The following TTLL3 variants were observed in gnomAD, a reference collection of about 807,000 sequenced individuals.
TTLL3 encodes the protein tubulin monoglycylase TTLL3.
In TTLL3, 63 loss-of-function variants were observed where a neutral mutation model predicts 75.2. That is an observed-to-expected ratio of 0.84 (90% confidence interval 0.68 to 1.03). The LOEUF (loss-of-function observed/expected upper bound fraction) is 1.03. TTLL3 is among the 50% of genes least tolerant of loss of function. TTLL3 has a pLI of 0.00. For synonymous variants in TTLL3, 393 were observed against 418.5 expected, an observed-to-expected ratio of 0.94 and a Z score of 0.74; for missense variants, 997 against 1,069.9, an observed-to-expected ratio of 0.93 and a Z score of 0.95.
chr3:9,833,984 T>A (rs1575420268), intron 12 of TTLL3: 1 of 179,936 alleles, frequency 5.6e-6, no homozygotes, highest in Admixed American at 5.4e-5. Flanking sequence ...TAGGGGCAGG[T>A]GCCTATAATC....
In TTLL3 at chr3:9,811,680, C is replaced by A. The variant is rs567804258; in HGVS notation, c.48+971C>A. ...CTCATGACACTCTTAGTATGAAATC[C>A]AAGTCCGTTCCAAGGCCTGCAGGGC... On this transcript the variant is annotated intron_variant, in intron 2 of 13. Transcript: ENST00000685419. 2.6e-5 allele frequency among the ~76,000 whole-genome samples: 4 copies of A among 152,336 alleles called. No individual in the cohort carries two copies. The Middle Eastern group carries it at 0.014, about 518-fold the overall frequency.
chr3:9,835,731 C>A lies in TTLL3; in HGVS notation c.*242C>A. The A allele has an allele frequency of 2.0e-6, 1 of 491,250 alleles. No homozygotes were observed. 30.4% of individuals were successfully genotyped at this position (491,250 alleles called of 1,614,324 possible). ...GCCGAGCACTGGGAGCCCCCCAACC[C>A]CAGAGAACAAGCCAAGCTAGCAGAA... On this transcript the variant is annotated 3_prime_UTR_variant, in exon 14 of 14. Transcript: ENST00000685419.
chr3:9,818,762 G>C, intron 6 of TTLL3, 60 bp from the exon 7 acceptor site: 5 of 1,612,318 alleles, frequency 3.1e-6, no homozygotes, highest in South Asian at 2.2e-5. Context: ...ATCAGGTTCT[G>C]GAACCAGAAC....
In TTLL3 at chr3:9,818,807, C is replaced by T; in HGVS notation, c.560-15C>T. On this transcript the variant is annotated splice_polypyrimidine_tract_variant and intron_variant, in intron 6 of 13. Coordinates refer to ENST00000685419, the MANE Select transcript of TTLL3 (RefSeq NM_001387446.1). Reference sequence around the variant, plus strand: ...GCCTAGGGGCTGAGCAGGGTATCCCCTGGCCTGGGAGCAGAGGACTTCTGG... The same window carrying T: ...GCCTAGGGGCTGAGCAGGGTATCCCTTGGCCTGGGAGCAGAGGACTTCTGG... 2.5e-6 allele frequency: 4 copies of T among 1,614,026 alleles called. No homozygotes were observed. Among genetic ancestry groups the T allele is most frequent in the Non-Finnish European group, 3.4e-6 (4 of 1,180,010 alleles).
chr3:9,819,232 A>C, intron 7 of TTLL3: 2 of 348,364 alleles, frequency 5.7e-6, no homozygotes, highest in Non-Finnish European at 5.4e-6. Context: ...CATACTCCCC[A>C]TCCATCTATC....
intron 2 of TTLL3, among the ~76,000 whole-genome samples, chr3:9,812,433 C>T (rs530205321): frequency 2.0e-5 from 3 of 151,854 alleles, no homozygotes; most frequent in Non-Finnish European, 4.4e-5. Flanking sequence ...GAGAATCGCT[C>T]GAACCCGGGA....
At chr3:9,813,881 G>T (rs551440569) in intron 4 of TTLL3, among the ~76,000 whole-genome samples, 3 of 152,216 alleles carry the variant, frequency 2.0e-5, no homozygotes, top group Non-Finnish European at 4.4e-5. Flanking sequence ...TCAGAGCTCT[G>T]CTAGGTCATA....
In TTLL3 at chr3:9,833,278, G is replaced by A. The variant is rs570504240; in HGVS notation, c.1825+33G>A. 265 of 1,611,644 alleles carry A rather than the reference G, an allele frequency of 1.6e-4. 2 individuals carry two copies. In the South Asian group the frequency reaches 2.8e-3, roughly 17 times the overall value. On this transcript the variant is annotated intron_variant, in intron 12 of 13. Transcript: ENST00000685419. ...CTCGGGGACCCCTACCCACAGGTCA[G>A]CTTCTAGGAAAGGCACTGGGGCCAG... is the stretch of plus-strand genomic sequence containing the variant.
chr3:9,832,591 C>A (rs2081658577), intron 11 of TTLL3, among the ~76,000 whole-genome samples: 1 of 152,200 alleles, frequency 6.6e-6, no homozygotes, highest in African/African-American at 2.4e-5. Context: ...CTCTCCTGGA[C>A]CCTTCTCTCT....
At chr3:9,828,722 C>T (rs138171341) in intron 10 of TTLL3, 1 of 578,540 alleles carries the variant, frequency 1.7e-6, no homozygotes, top group African/African-American at 1.9e-5. Flanking sequence ...GCACTTACTA[C>T]TGCGGCCCCC....
At position 9,835,362 on chromosome 3, in the gene TTLL3, T is replaced by C. The variant is rs754446281; in HGVS notation, c.2321T>C (p.Leu774Pro). 1.9e-6 allele frequency: 3 copies of C among 1,614,154 alleles called. No homozygotes were observed. Among genetic ancestry groups the C allele is most frequent in the South Asian group, 1.1e-5 (1 of 91,076 alleles). ...CCCCTGCTTCGATTCCCCACTGCCCTTGTCCTGGATCCAACACCAAATAAA... is the reference window on the plus strand; with the variant it reads ...CCCCTGCTTCGATTCCCCACTGCCCCTGTCCTGGATCCAACACCAAATAAA... ...GKPLLRFPTA[L>P]VLDPTPNKKK... Residue 774 changes from leucine (L) to proline (P), a missense_variant, in exon 14 of 14, where the codon CTT becomes CCT. Leu to Pro is a moderately conservative substitution (Grantham distance 98). Coordinates refer to ENST00000685419, the MANE Select transcript of TTLL3 (RefSeq NM_001387446.1).
chr3:9,835,581 C>G lies in TTLL3; in HGVS notation c.*92C>G. 7.8e-7 allele frequency: 1 copy of G among 1,275,168 alleles called. No individual in the cohort carries two copies. The highest frequency in any genetic ancestry group is 1.1e-6 in the Non-Finnish European group (1 of 931,382). 79.0% of individuals were successfully genotyped at this position (1,275,168 alleles called of 1,614,324 possible). A position where few individuals can be genotyped will look rare whatever the true frequency, so the allele number is the denominator to read the frequency against. On this transcript the variant is annotated 3_prime_UTR_variant, in exon 14 of 14. Transcript: ENST00000685419. Reference sequence around the variant, plus strand: ...CTATTTAGGGACTCCCCCAGCATCTCCGATCCAGGGGTGGGGAGCGTGAGC... The same window carrying G: ...CTATTTAGGGACTCCCCCAGCATCTGCGATCCAGGGGTGGGGAGCGTGAGC...
intron 13 of TTLL3, 66 bp from the exon 14 acceptor site, chr3:9,835,028 C>A: frequency 6.3e-7 from 1 of 1,590,264 alleles, no homozygotes; most frequent in Non-Finnish European, 8.6e-7. Flanking sequence ...AGCTGGTCTC[C>A]CTCAGAAGCC....
chr3:9,828,933 AC>A, intron 10 of TTLL3, 26 bp from the exon 11 acceptor site: 4 of 1,611,006 alleles, frequency 2.5e-6, no homozygotes, highest in Non-Finnish European at 2.5e-6. Flanking sequence ...AAGGGCCTGG[AC>A]CTCAGTTTTC....
At chr3:9,825,748 C>G (rs780141554) in intron 8 of TTLL3, 52 bp from the exon 9 acceptor site, 7 of 1,613,838 alleles carry the variant, frequency 4.3e-6, no homozygotes, top group Non-Finnish European at 5.9e-6. Context: ...CTGCCCTCTC[C>G]ACCTGCATGT....
chr3:9,809,917 G>T (rs993921014), upstream of TTLL3: 460 of 1,032,430 alleles, frequency 4.5e-4, 2 homozygotes, highest in Non-Finnish European at 3.2e-4. Context: ...CAAGGCTCGA[G>T]CCTAGGCAGG....
intron 5 of TTLL3, among the ~76,000 whole-genome samples, chr3:9,816,476 A>C (rs919568591): frequency 1.6e-4 from 24 of 150,752 alleles, no homozygotes; most frequent in African/African-American, 5.6e-4. Flanking sequence ...TTACCTCCTA[A>C]GCAGAAGATA....
chr3:9,829,000 G>A lies in TTLL3; in HGVS notation c.1288G>A (p.Glu430Lys), dbSNP rs201240908. Residue 430 changes from glutamate (E) to lysine (K), a missense_variant, in exon 11 of 14, where the codon GAG becomes AAG. Coordinates refer to ENST00000685419, the MANE Select transcript of TTLL3 (RefSeq NM_001387446.1). Reference protein sequence around the residue: ...LCNNSIQKHLENSCHRHPLLP... With the variant: ...LCNNSIQKHLKNSCHRHPLLP... Reference sequence around the variant, plus strand: ...CAACAACTCCATCCAGAAGCACCTGGAGAACTCATGCCATCGGCATCCACT... The same window carrying A: ...CAACAACTCCATCCAGAAGCACCTGAAGAACTCATGCCATCGGCATCCACT... 5.9e-5 allele frequency: 96 copies of A among 1,614,100 alleles called. No individual in the cohort carries two copies. Among genetic ancestry groups the A allele is most frequent in the Non-Finnish European group, 7.8e-5 (92 of 1,180,050 alleles).
chr3:9,810,524 A>G lies in TTLL3; in HGVS notation c.-41-97A>G. Reference sequence around the variant, plus strand: ...GCATCTGGATGAAGGCAGGAGGAAGAAAAGAGGCGTGGCTATGGGCGGCCA... The same window carrying G: ...GCATCTGGATGAAGGCAGGAGGAAGGAAAGAGGCGTGGCTATGGGCGGCCA... On this transcript the variant is annotated intron_variant, in intron 1 of 13. Coordinates refer to ENST00000685419, the MANE Select transcript of TTLL3 (RefSeq NM_001387446.1). This position sits in a 1 kb window ranked among gnomAD's most constrained non-coding sequence, Gnocchi z 4.4. The G allele has an allele frequency of 6.8e-7, 1 of 1,473,748 alleles. No homozygotes were observed. The highest frequency in any genetic ancestry group is 9.0e-7 in the Non-Finnish European group (1 of 1,109,278). The allele number at this position is 1,473,748 out of a possible 1,614,324, so 91.3% of individuals were successfully genotyped here. A position where few individuals can be genotyped will look rare whatever the true frequency, so the allele number is the denominator to read the frequency against.
Sources: allele counts gnomAD v4.1 joint callset (sites outside exome capture counted in the v4.1 genomes callset), GRCh38; gene constraint gnomAD v4.1.1; non-coding constraint Gnocchi (gnomAD v3.1); transcripts MANE v1.5; gene names NCBI Gene and HGNC (gene_info 2026-07-23, HGNC 2026-07-21).